BICDL1: variants seen among roughly 807,000 people sequenced by gnomAD.
BICDL1 encodes the protein BICD family like cargo adaptor 1.
BICDL1 carries 20 observed loss-of-function variants against 76.8 expected under a neutral mutation model. The observed-to-expected ratio is 0.26, with a 90% CI of 0.18 to 0.38. The LOEUF is 0.38. BICDL1 is among the 10% of genes least tolerant of loss of function. BICDL1 has a pLI of 1.00. For synonymous variants in BICDL1, 383 were observed against 337.1 expected (o/e 1.14, Z -1.49); for missense variants, 700 against 798.6 (o/e 0.88, Z 1.49).
Position 119,989,487 on chromosome 12 carries a change from G to T in BICDL1, c.-382G>T, listed in dbSNP as rs1278874013. On this transcript the variant is annotated 5_prime_UTR_variant, in exon 1 of 10. Coordinates refer to ENST00000548673, the MANE Select transcript of BICDL1 (RefSeq NM_001367886.1). ...GGCAGCAGCAGCAGCAGCGGCAGCG[G>T]CAACAGGGCGGCTGAGAACCCGGCG... Among the ~76,000 whole-genome samples the T allele has an allele frequency of 6.6e-6, 1 of 150,534 alleles. No individual in the cohort carries two copies. Among genetic ancestry groups the T allele is most frequent in the African/African-American group, 2.4e-5 (1 of 41,296 alleles).
intron 2 of BICDL1, among the ~76,000 whole-genome samples, chr12:120,040,825 G>A (rs955643929): frequency 1.3e-5 from 2 of 148,976 alleles, no homozygotes; most frequent in South Asian, 2.1e-4. Flanking sequence ...CCGGCTCACT[G>A]CAACCTCTGT....
intron 2 of BICDL1, among the ~76,000 whole-genome samples, chr12:120,009,140 A>G (rs939095194): frequency 2.0e-5 from 3 of 152,044 alleles, no homozygotes; most frequent in African/African-American, 7.2e-5. Context: ...GGCACACGCC[A>G]CCACACCCAG....
At chr12:120,011,435 T>C (rs1476328194) in intron 2 of BICDL1, among the ~76,000 whole-genome samples, 2 of 152,348 alleles carry the variant, frequency 1.3e-5, no homozygotes, top group Admixed American at 6.5e-5. Context: ...ATTGCTAAGA[T>C]CTTCCAATTC....
chr12:120,024,973 C>CAGCCAAGTCCTTCTTCTTTAAAGTGTGT (rs1338855692), intron 2 of BICDL1, among the ~76,000 whole-genome samples: 7 of 152,038 alleles, frequency 4.6e-5, no homozygotes, highest in Admixed American at 6.6e-5. Context: ...CCACCGCACC[C>CAGCCAAGTCCTTCTTCTTTAAAGTGTGT]AGCCAAGTCC....
chr12:120,057,205 G>C, intron 2 of BICDL1: 1 of 475,614 alleles, frequency 2.1e-6, no homozygotes, highest in South Asian at 1.6e-5. Flanking sequence ...TGTAGAGACA[G>C]GGTTTCACCA....
chr12:120,009,401 A>G lies in BICDL1; in HGVS notation c.645+10665A>G, dbSNP rs115174288. 2.8e-3 allele frequency among the ~76,000 whole-genome samples: 428 copies of G among 152,296 alleles called. 2 individuals carry two copies. The highest frequency in any genetic ancestry group is 0.01 in the African/African-American group (418 of 41,562). ...TTTCTTTTTCCAAAGAGGAACGCCT[A>G]AAGTTCTAGTATATTGGGCCTAAAT... On this transcript the variant is annotated intron_variant, in intron 2 of 9. Transcript: ENST00000548673.
chr12:120,066,313 T>C (rs1953218800), intron 4 of BICDL1, among the ~76,000 whole-genome samples: 1 of 152,160 alleles, frequency 6.6e-6, no homozygotes, highest in South Asian at 2.1e-4. Flanking sequence ...GCTGCTCTCC[T>C]GAGGGTTGCT....
chr12:120,021,190 A>G (rs1952171584), intron 2 of BICDL1, among the ~76,000 whole-genome samples: 1 of 152,000 alleles, frequency 6.6e-6, no homozygotes. Flanking sequence ...AGGGTGAAGC[A>G]TAACAATTGC....
intron 2 of BICDL1, among the ~76,000 whole-genome samples, chr12:120,042,900 A>G (rs1952672518): frequency 6.6e-6 from 1 of 152,058 alleles, no homozygotes; most frequent in Non-Finnish European, 1.5e-5. Context: ...GCATTCAGGA[A>G]GAAGTGCCAG....
chr12:120,011,839 G>A (rs946702657), intron 2 of BICDL1, among the ~76,000 whole-genome samples: 1 of 152,126 alleles, frequency 6.6e-6, no homozygotes, highest in African/African-American at 2.4e-5. Flanking sequence ...TTAATGGAAT[G>A]AATTGACCTG....
chr12:120,077,172 G>T (rs1465520317), intron 7 of BICDL1, among the ~76,000 whole-genome samples: 1 of 152,264 alleles, frequency 6.6e-6, no homozygotes, highest in Non-Finnish European at 1.5e-5. Context: ...TCAAAGGTGT[G>T]GGGGCTGGAA....
intron 9 of BICDL1, chr12:120,091,071 C>T: frequency 7.8e-7 from 1 of 1,286,896 alleles, no homozygotes; most frequent in Non-Finnish European, 1.0e-6. Flanking sequence ...CATTGCTGTG[C>T]TGCCCCGCCG....
chr12:120,007,040 A>G (rs1402124665), intron 2 of BICDL1, among the ~76,000 whole-genome samples: 1 of 152,174 alleles, frequency 6.6e-6, no homozygotes, highest in African/African-American at 2.4e-5. Context: ...AGAACTGACA[A>G]GACTTACTAA....
At chr12:120,037,382 T>C (rs1266883685) in intron 2 of BICDL1, among the ~76,000 whole-genome samples, 1 of 152,198 alleles carries the variant, frequency 6.6e-6, no homozygotes, top group African/African-American at 2.4e-5. Flanking sequence ...AAATAAGCCT[T>C]GGTCTGGAGG....
chr12:120,023,331 C>G (rs556028640), intron 2 of BICDL1, among the ~76,000 whole-genome samples: 2 of 152,364 alleles, frequency 1.3e-5, no homozygotes, highest in South Asian at 4.1e-4. Flanking sequence ...CAGTACTTCT[C>G]TGGGCCTACC....
intron 4 of BICDL1, among the ~76,000 whole-genome samples, chr12:120,068,350 C>T (rs1872811386): frequency 6.6e-6 from 1 of 152,210 alleles, no homozygotes; most frequent in Non-Finnish European, 1.5e-5. Flanking sequence ...CTTCTAAGGA[C>T]CTGGAGTGGG....
At position 120,061,719 on chromosome 12, in the gene BICDL1, G is replaced by A. The variant is rs1434591073; in HGVS notation, c.655G>A (p.Val219Ile). 6.2e-7 allele frequency: 1 copy of A among 1,613,598 alleles called. No individual in the cohort carries two copies. Among genetic ancestry groups the A allele is most frequent in the Non-Finnish European group, 8.5e-7 (1 of 1,179,458 alleles). Residue 219 changes from valine (V) to isoleucine (I), a missense_variant, in exon 3 of 10, where the codon GTT (valine) becomes ATT (isoleucine). Physicochemically the swap from Val to Ile is conservative, Grantham distance 29 (BLOSUM62 3). This residue lies in a region of BICDL1 where 455 missense variants were observed against 548.7 expected (regional missense o/e 0.83). Coordinates refer to ENST00000548673, the MANE Select transcript of BICDL1 (RefSeq NM_001367886.1). ...GTCTCCTCTGTTTCAGGCATCAGAAGTTGAGAGACAACTCTCCATGCAGGT... is the reference window on the plus strand; with the variant it reads ...GTCTCCTCTGTTTCAGGCATCAGAAATTGAGAGACAACTCTCCATGCAGGT... Reference protein sequence around the residue: ...LLDQLSRASEVERQLSMQVHA... With the variant: ...LLDQLSRASEIERQLSMQVHA...
chr12:120,071,906 T>TG lies in BICDL1; in HGVS notation c.1089+106dup. On this transcript the variant is annotated intron_variant, in intron 5 of 9. Transcript: ENST00000548673. This position sits in a 1 kb window ranked among gnomAD's most constrained non-coding sequence, Gnocchi z 4.8. ...CCATCCTGGCAAGGCTGTGCCCCTG[T>TG]GCCTGTGTCAGCCCCTTGGCCTGCT... The TG allele has an allele frequency of 7.0e-7, 1 of 1,422,942 alleles. No individual in the cohort carries two copies. 88.1% of individuals were successfully genotyped at this position (1,422,942 alleles called of 1,614,324 possible).
In BICDL1 at chr12:120,081,044, C is replaced by G. The variant is rs773658767; in HGVS notation, c.1583+27C>G. The G allele has an allele frequency of 7.5e-6, 12 of 1,606,620 alleles. No individual in the cohort carries two copies. In the Admixed American group the frequency reaches 2.0e-4, roughly 27 times the overall value. On this transcript the variant is annotated intron_variant, in intron 8 of 9. Transcript: ENST00000548673. The stretch of plus-strand genomic sequence containing the variant: ...TGAGTAGGGATGGCTTCACTTTATT[C>G]TTAAGATAAAGTTGAGTATATAGAA...
Sources: gnomAD v4.1 joint callset for allele counts (sites outside exome capture counted in the v4.1 genomes callset) on GRCh38, gnomAD v4.1.1 for gene constraint, gnomAD v4.1.1 regional missense constraint, Gnocchi (gnomAD v3.1) non-coding constraint, MANE v1.5 for transcripts, NCBI Gene and HGNC (gene_info 2026-07-23, HGNC 2026-07-21) for gene names.